The following PDZRN3 variants were observed in gnomAD, a reference collection of about 807,000 sequenced individuals.
The protein encoded by PDZRN3 is PDZ domain containing ring finger 3.
In PDZRN3, 38 loss-of-function variants were observed where a neutral mutation model predicts 85.7. The observed-to-expected ratio is 0.44, with a 90% CI of 0.34 to 0.58. PDZRN3 has a LOEUF of 0.58. Ranked by LOEUF, PDZRN3 falls within the 20% of genes least tolerant of loss-of-function variation. The pLI is 0.01. For missense variants in PDZRN3, 1,629 were observed against 1,506.4 expected, an observed-to-expected ratio of 1.08 and a Z score of -1.35; for synonymous variants, 759 against 638.0, an observed-to-expected ratio of 1.19 and a Z score of -2.86.
intron 1 of PDZRN3, among the ~76,000 whole-genome samples, chr3:73,612,185 C>T (rs1486855133): frequency 3.9e-5 from 6 of 152,134 alleles, no homozygotes; most frequent in African/African-American, 1.4e-4. Flanking sequence ...ACTTGCCTTC[C>T]GAAGCAGACA....
In PDZRN3 at chr3:73,384,135, T is replaced by C; in HGVS notation, c.2431A>G (p.Ile811Val). The change falls in exon 10 of 10, where the codon ATC (isoleucine) becomes GTC (valine). Residue 811 changes from isoleucine (I) to valine (V), a missense_variant. By Grantham distance (29) the Ile-to-Val change is conservative (BLOSUM62 3). Coordinates refer to ENST00000263666, the MANE Select transcript of PDZRN3 (RefSeq NM_015009.3). The part of the protein sequence containing the change: ...YGPASKNLLS[I>V]TEDPEVGTPT... ...GTGCCCACTTCGGGATCTTCCGTGA[T>C]GGAGAGCAGATTCTTGGAGGCTGGC... 1 of 1,614,096 alleles carries C rather than the reference T, an allele frequency of 6.2e-7. No homozygotes were observed. The highest frequency in any genetic ancestry group is 1.6e-4 in the Middle Eastern group (1 of 6,062).
chr3:73,428,875 G>C (rs1386098473), intron 3 of PDZRN3, among the ~76,000 whole-genome samples: 1 of 151,536 alleles, frequency 6.6e-6, no homozygotes, highest in African/African-American at 2.4e-5. Flanking sequence ...TTGTCAAGGT[G>C]GGAGGAGAAG....
intron 3 of PDZRN3, among the ~76,000 whole-genome samples, chr3:73,520,509 GACA>G (rs149516346): frequency 1.2e-4 from 18 of 152,154 alleles, no homozygotes; most frequent in South Asian, 6.2e-4. Flanking sequence ...CTGTGACAAC[GACA>G]ACAACAACAA....
intron 3 of PDZRN3, among the ~76,000 whole-genome samples, chr3:73,552,786 A>T (rs1054731212): frequency 6.6e-6 from 1 of 152,246 alleles, no homozygotes; most frequent in Non-Finnish European, 1.5e-5. Flanking sequence ...TGAGATGCCC[A>T]AATAGGTATT....
At chr3:73,553,090 G>A (rs190828696) in intron 3 of PDZRN3, among the ~76,000 whole-genome samples, 2 of 152,324 alleles carry the variant, frequency 1.3e-5, no homozygotes, top group African/African-American at 4.8e-5. Flanking sequence ...GGAAGGGAAA[G>A]TGTTTTGAAA....
intron 1 of PDZRN3, among the ~76,000 whole-genome samples, chr3:73,621,321 G>A (rs1040764935): frequency 6.6e-6 from 1 of 152,220 alleles, no homozygotes; most frequent in Non-Finnish European, 1.5e-5. Flanking sequence ...CAAGTTCTAG[G>A]CTGCTGAAGA....
At chr3:73,464,474 T>A (rs971184573) in intron 3 of PDZRN3, among the ~76,000 whole-genome samples, 2 of 152,222 alleles carry the variant, frequency 1.3e-5, no homozygotes, top group Admixed American at 6.5e-5. Context: ...ATTGTCATTG[T>A]TGAACTCTCA....
At chr3:73,417,044 AT>A (rs1050148061) in intron 3 of PDZRN3, among the ~76,000 whole-genome samples, 4 of 149,866 alleles carry the variant, frequency 2.7e-5, no homozygotes, top group Admixed American at 6.6e-5. Context: ...GGCCCAGCTA[AT>A]TTTTTTTTGT....
chr3:73,603,298 A>T (rs958708688), intron 2 of PDZRN3, among the ~76,000 whole-genome samples: 2 of 152,196 alleles, frequency 1.3e-5, no homozygotes, highest in African/African-American at 4.8e-5. Flanking sequence ...CTTTGAATTA[A>T]ATGTCAGAAC....
At chr3:73,435,543 G>A (rs1317046658) in intron 3 of PDZRN3, among the ~76,000 whole-genome samples, 3 of 152,170 alleles carry the variant, frequency 2.0e-5, no homozygotes, top group Non-Finnish European at 4.4e-5. Flanking sequence ...GAAAACAAAA[G>A]CAGCTCTAAT....
rs1703282154 is a variant in PDZRN3 at position 73,383,150 on chromosome 3, T to G, written c.*215A>C. 4.2e-6 allele frequency: 2 copies of G among 481,166 alleles called. No homozygotes were observed. Among genetic ancestry groups the G allele is most frequent in the Admixed American group, 3.8e-5 (1 of 26,430 alleles). 29.8% of individuals were successfully genotyped at this position (481,166 alleles called of 1,614,324 possible). Reference sequence around the variant, plus strand: ...AATTGCTATTTGAAAAAAGCTCTGTTTGTTAATATTGCCTTCCAAGATAGT... The same window carrying G: ...AATTGCTATTTGAAAAAAGCTCTGTGTGTTAATATTGCCTTCCAAGATAGT... On this transcript the variant is annotated 3_prime_UTR_variant, in exon 10 of 10. Transcript: ENST00000263666.
chr3:73,478,306 A>C (rs1000461377), intron 3 of PDZRN3, among the ~76,000 whole-genome samples: 2 of 152,046 alleles, frequency 1.3e-5, no homozygotes, highest in Non-Finnish European at 2.9e-5. Context: ...TCACCACCTA[A>C]GCTCTGTCTC....
In PDZRN3 at chr3:73,513,941, G is replaced by C. The variant is rs1219305585; in HGVS notation, c.918+88413C>G. 6.6e-5 allele frequency among the ~76,000 whole-genome samples: 10 copies of C among 152,198 alleles called. No homozygotes were observed. The East Asian group carries it at 1.5e-3, about 23-fold the overall frequency. On this transcript the variant is annotated intron_variant, in intron 3 of 9. Coordinates refer to ENST00000263666, the MANE Select transcript of PDZRN3 (RefSeq NM_015009.3). ...ACAAGGTTTCTATGTCCTTCTAGTTGGTACATTCACAGATAGGATATTTAA... is the reference window on the plus strand; with the variant it reads ...ACAAGGTTTCTATGTCCTTCTAGTTCGTACATTCACAGATAGGATATTTAA...
intron 3 of PDZRN3, among the ~76,000 whole-genome samples, chr3:73,503,891 G>A (rs1407654067): frequency 6.6e-6 from 1 of 152,130 alleles, no homozygotes; most frequent in African/African-American, 2.4e-5. Context: ...AGTGGGGAGG[G>A]GGAGAGCCTA....
chr3:73,569,439 C>A (rs1376671508), intron 3 of PDZRN3: 1 of 1,139,714 alleles, frequency 8.8e-7, no homozygotes. Context: ...ATGTCACGTT[C>A]TCTTAAGCCC....
intron 3 of PDZRN3, among the ~76,000 whole-genome samples, chr3:73,458,427 A>C (rs927054793): frequency 6.6e-6 from 1 of 151,806 alleles, no homozygotes; most frequent in Non-Finnish European, 1.5e-5. Flanking sequence ...CTCCCTGTGC[A>C]CAGATCCTAT....
At chr3:73,419,253 T>C (rs1432162982) in intron 3 of PDZRN3, among the ~76,000 whole-genome samples, 2 of 152,100 alleles carry the variant, frequency 1.3e-5, no homozygotes, top group East Asian at 1.9e-4. Flanking sequence ...GTACATGACT[T>C]TGATTATGTC....
At chr3:73,459,000 A>AAAAAAAAAAG (rs1393824698) in intron 3 of PDZRN3, among the ~76,000 whole-genome samples, 4 of 151,442 alleles carry the variant, frequency 2.6e-5, no homozygotes, top group African/African-American at 7.2e-5. Flanking sequence ...TCAAACAAAA[A>AAAAAAAAAAG]AAAAAAAAGA....
At chr3:73,549,705 C>A (rs1701507125) in intron 3 of PDZRN3, among the ~76,000 whole-genome samples, 1 of 152,172 alleles carries the variant, frequency 6.6e-6, no homozygotes, top group African/African-American at 2.4e-5. Flanking sequence ...GGATATGTCT[C>A]ATCACAGGCA....
Sources: allele counts gnomAD v4.1 joint callset (sites outside exome capture counted in the v4.1 genomes callset), GRCh38; gene constraint gnomAD v4.1.1; transcripts MANE v1.5; gene names NCBI Gene and HGNC (gene_info 2026-07-23, HGNC 2026-07-21).